EXPH5: variants seen among roughly 807,000 people sequenced by gnomAD.
EXPH5 encodes exophilin-5.
A neutral mutation model predicts 41.1 loss-of-function variants in EXPH5; 42 were observed. The observed-to-expected ratio is 1.02, with a 90% CI of 0.80 to 1.32. The LOEUF (loss-of-function observed/expected upper bound fraction) is 1.32. Ranked by LOEUF, EXPH5 falls within the 40% of genes most tolerant of loss-of-function variation. EXPH5 has a pLI of 0.00. For synonymous variants in EXPH5, 798 were observed against 833.5 expected (o/e 0.96, Z 0.73); for missense variants, 2,298 against 2,314.5 (o/e 0.99, Z 0.15).
intron 3 of EXPH5, among the ~76,000 whole-genome samples, chr11:108,538,778 A>G (rs1465057831): frequency 6.6e-6 from 1 of 152,178 alleles, no homozygotes; most frequent in African/African-American, 2.4e-5. Flanking sequence ...TATTTAACCC[A>G]TCACTCACCA....
chr11:108,512,792 C>T lies in EXPH5; in HGVS notation c.2715G>A (p.Val905=), dbSNP rs1461078643. 1.2e-6 allele frequency: 2 copies of T among 1,613,956 alleles called. No individual in the cohort carries two copies. The highest frequency in any genetic ancestry group is 4.5e-5 in the East Asian group (2 of 44,892). The change falls in exon 6 of 6, where the codon GTG becomes GTA. Residue 905 remains valine (V), a synonymous_variant. Coordinates refer to ENST00000265843, the MANE Select transcript of EXPH5 (RefSeq NM_015065.3). The part of the protein sequence containing the change: ...LDAPVVPSTT[V]FSRRSPSDKD... The stretch of plus-strand genomic sequence containing the variant: ...TGTCTGAAGGACTTCTCCTGGAGAA[C>T]ACTGTAGTAGATGGAACCACAGGAG...
Position 108,518,265 on chromosome 11 carries a change from C to T in EXPH5, c.601G>A (p.Ala201Thr). The change falls in exon 5 of 6, where the codon GCT (alanine) becomes ACT (threonine). Residue 201 changes from alanine (A) to threonine (T), a missense_variant. Coordinates refer to ENST00000265843, the MANE Select transcript of EXPH5 (RefSeq NM_015065.3). ...AAAAACTCATTCTCCAGCAGTGAAG[C>T]ATCCCACGGTGGAGGCATGCCACTC... ...EESGMPPPWD[A>T]SLLENEFFQV... 1.2e-6 allele frequency: 2 copies of T among 1,613,860 alleles called. No homozygotes were observed. Among genetic ancestry groups the T allele is most frequent in the Middle Eastern group, 1.7e-4 (1 of 6,060 alleles).
the EXPH5 span, among the ~76,000 whole-genome samples, chr11:108,602,620 C>A: frequency 1.3e-5 from 2 of 151,620 alleles, no homozygotes; most frequent in South Asian, 4.2e-4. Flanking sequence ...GATCACAGCT[C>A]ACTGCAGCCT....
rs2135927905 is a variant in EXPH5 at position 108,514,111 on chromosome 11, AG to A, written c.1395del (p.Phe466LeufsTer44). On this transcript the variant is annotated frameshift_variant, in exon 6 of 6. Coordinates refer to ENST00000265843, the MANE Select transcript of EXPH5 (RefSeq NM_015065.3). LOFTEE classifies it low-confidence loss of function (END_TRUNC). The stretch of plus-strand genomic sequence containing the variant: ...CTCCTCTGTTCTCCGCTTCGTCCAA[AG>A]GTATTGCTGAAGAAAGATCTGGTAA... ...NTFTRSFFSNTFGRSGEQRRF... is the reference protein window; with the variant it reads ...NTFTRSFFSNXFGRSGEQRRF... The A allele has an allele frequency of 6.2e-7, 1 of 1,613,684 alleles. No individual in the cohort carries two copies. The highest frequency in any genetic ancestry group is 8.5e-7 in the Non-Finnish European group (1 of 1,179,826).
At chr11:108,566,602 T>A (rs1350626497) in intron 1 of EXPH5, among the ~76,000 whole-genome samples, 1 of 152,142 alleles carries the variant, frequency 6.6e-6, no homozygotes, top group African/African-American at 2.4e-5. Flanking sequence ...CCTATAATTC[T>A]AGCATTTTGG....
chr11:108,584,867 A>T (rs1403280263), intron 1 of EXPH5, among the ~76,000 whole-genome samples: 4 of 152,326 alleles, frequency 2.6e-5, no homozygotes, highest in African/African-American at 7.2e-5. Flanking sequence ...GAACGCTACT[A>T]AAAGCATGAT....
In EXPH5 at chr11:108,509,484, A is replaced by G; in HGVS notation, c.*53T>C. ...CCATGCACATGCACATGTACACCTT[A>G]GTTCCATTATAAGCTTTTGGTGAAA... On this transcript the variant is annotated 3_prime_UTR_variant, in exon 6 of 6. Transcript: ENST00000265843. 3 of 1,479,062 alleles carry G rather than the reference A, an allele frequency of 2.0e-6. No homozygotes were observed. Among genetic ancestry groups the G allele is most frequent in the Non-Finnish European group, 2.7e-6 (3 of 1,101,904 alleles). The allele number at this position is 1,479,062 out of a possible 1,614,324, so 91.6% of individuals were successfully genotyped here. A position where few individuals can be genotyped will look rare whatever the true frequency, so the allele number is the denominator to read the frequency against.
chr11:108,555,178 C>T (rs573771495), intron 1 of EXPH5, among the ~76,000 whole-genome samples: 26 of 152,378 alleles, frequency 1.7e-4, no homozygotes, highest in African/African-American at 5.8e-4. Flanking sequence ...CTAGCTCTCA[C>T]ACTGCACTGA....
intron 1 of EXPH5, among the ~76,000 whole-genome samples, chr11:108,582,606 T>A (rs950827537): frequency 2.4e-4 from 37 of 152,222 alleles, no homozygotes; most frequent in African/African-American, 7.2e-4. Flanking sequence ...CAAGTGGGAT[T>A]TTCTTGAGCA....
chr11:108,517,093 C>A (rs1018779926), intron 5 of EXPH5, among the ~76,000 whole-genome samples: 1 of 152,052 alleles, frequency 6.6e-6, no homozygotes, highest in Non-Finnish European at 1.5e-5. Context: ...TAAGTAAAAT[C>A]GCCAGGAATT....
intron 1 of EXPH5, among the ~76,000 whole-genome samples, chr11:108,579,984 G>A (rs538784698): frequency 6.6e-6 from 1 of 152,064 alleles, no homozygotes; most frequent in East Asian, 1.9e-4. Flanking sequence ...TCAGGACATT[G>A]GTCTGGGGAA....
upstream of EXPH5, among the ~76,000 whole-genome samples, chr11:108,597,435 G>A (rs148395843): frequency 1.3e-3 from 201 of 152,270 alleles, 1 homozygote; most frequent in African/African-American, 4.5e-3. Flanking sequence ...GACCTCAGGT[G>A]ATTTAAATAT....
Position 108,511,096 on chromosome 11 carries a change from C to A in EXPH5, c.4411G>T (p.Ala1471Ser). ...GATCCACTGGAGCCATCACCTACAGCTGTGGATGTGTGATCTTTCTGGGGA... is the reference window on the plus strand; with the variant it reads ...GATCCACTGGAGCCATCACCTACAGATGTGGATGTGTGATCTTTCTGGGGA... ...KCPQKDHTST[A>S]VGDGSSGSQP... Residue 1471 changes from alanine to serine, a missense_variant, in exon 6 of 6, where the codon GCT (alanine) becomes TCT (serine). Ala to Ser is a moderately conservative substitution (Grantham distance 99, BLOSUM62 1). Coordinates refer to ENST00000265843, the MANE Select transcript of EXPH5 (RefSeq NM_015065.3). The A allele has an allele frequency of 6.2e-7, 1 of 1,614,080 alleles. No homozygotes were observed. The highest frequency in any genetic ancestry group is 8.5e-7 in the Non-Finnish European group (1 of 1,179,976).
chr11:108,517,395 T>G (rs1425630572), intron 5 of EXPH5, among the ~76,000 whole-genome samples: 1 of 152,246 alleles, frequency 6.6e-6, no homozygotes, highest in Non-Finnish European at 1.5e-5. Context: ...ACGTTGACTG[T>G]CCAGCTGACT....
At chr11:108,572,805 C>T (rs962738474) in intron 1 of EXPH5, among the ~76,000 whole-genome samples, 4 of 152,096 alleles carry the variant, frequency 2.6e-5, no homozygotes, top group Non-Finnish European at 5.9e-5. Flanking sequence ...GTGATCCACT[C>T]GTCTCGGCCT....
chr11:108,597,250 T>C (rs1203610283), upstream of EXPH5, among the ~76,000 whole-genome samples: 1 of 152,190 alleles, frequency 6.6e-6, no homozygotes, highest in Non-Finnish European at 1.5e-5. Context: ...CAGGCTGGAG[T>C]GCAGTGGCTC....
the EXPH5 span, among the ~76,000 whole-genome samples, chr11:108,605,850 C>T: frequency 1.3e-5 from 2 of 152,234 alleles, no homozygotes; most frequent in Non-Finnish European, 2.9e-5. Context: ...AACCTCCCCA[C>T]CAATTGTGAG....
chr11:108,570,478 C>T (rs2094055335), intron 1 of EXPH5, among the ~76,000 whole-genome samples: 1 of 152,086 alleles, frequency 6.6e-6, no homozygotes, highest in African/African-American at 2.4e-5. Context: ...TGGTCTCAAA[C>T]TCCTGACCTT....
chr11:108,567,018 A>G (rs2094037659), intron 1 of EXPH5, among the ~76,000 whole-genome samples: 1 of 152,258 alleles, frequency 6.6e-6, no homozygotes, highest in African/African-American at 2.4e-5. Flanking sequence ...AAATGATTTC[A>G]TGCCTCTCTT....
Sources: gnomAD v4.1 joint callset for allele counts (sites outside exome capture counted in the v4.1 genomes callset) on GRCh38, gnomAD v4.1.1 for gene constraint, MANE v1.5 for transcripts, NCBI Gene and HGNC (gene_info 2026-07-23, HGNC 2026-07-21) for gene names.